LCP2: variants seen among roughly 807,000 people sequenced by gnomAD.
LCP2 encodes 76 kDa tyrosine phosphoprotein.
A neutral mutation model predicts 74.5 loss-of-function variants in LCP2; 29 were observed. That is an observed-to-expected ratio of 0.39 (90% CI 0.29 to 0.53). The LOEUF (loss-of-function observed/expected upper bound fraction) is 0.53, where lower values mean the gene tolerates loss of function less well. LCP2 is among the 20% of genes least tolerant of loss of function. The pLI, the probability that LCP2 is intolerant of heterozygous loss-of-function variation, is 0.72. For synonymous variants in LCP2, 228 were observed against 229.5 expected (o/e 0.99, Z 0.06); for missense variants, 604 against 634.6 (o/e 0.95, Z 0.52).
Position 170,253,135 on chromosome 5 carries a change from G to T in LCP2, c.1229C>A (p.Ser410Tyr). The change falls in exon 18 of 21, where the codon TCC becomes TAC. Residue 410 changes from serine (S) to tyrosine (Y), a missense_variant. Physicochemically the swap from Ser to Tyr is moderately radical, Grantham distance 144. Coordinates refer to ENST00000046794, the MANE Select transcript of LCP2 (RefSeq NM_005565.5). ...LPLPNKPRPP[S>Y]PAEEENSLNE... Reference sequence around the variant, plus strand: ...CTCTCTTACCTCTTCCTCCGCGGGGGATGGGGGCCGAGGTTTGTTTGGAAG... The same window carrying T: ...CTCTCTTACCTCTTCCTCCGCGGGGTATGGGGGCCGAGGTTTGTTTGGAAG... 1 of 1,609,934 alleles carries T rather than the reference G, an allele frequency of 6.2e-7. No homozygotes were observed. The highest frequency in any genetic ancestry group is 8.5e-7 in the Non-Finnish European group (1 of 1,177,538).
chr5:170,249,111 C>G (rs1317013918), intron 20 of LCP2, among the ~76,000 whole-genome samples: 1 of 152,106 alleles, frequency 6.6e-6, no homozygotes, highest in African/African-American at 2.4e-5. Flanking sequence ...CACCTGAGGT[C>G]AGGAGTTTGA....
chr5:170,259,710 A>G (rs1761619404), intron 14 of LCP2, among the ~76,000 whole-genome samples: 1 of 152,214 alleles, frequency 6.6e-6, no homozygotes, highest in Non-Finnish European at 1.5e-5. Context: ...GCCATCATCA[A>G]TCCTATCACA....
In LCP2 at chr5:170,256,596, C is replaced by G. The variant is rs1343375971; in HGVS notation, c.1101-21G>C. On this transcript the variant is annotated intron_variant, in intron 16 of 20. Transcript: ENST00000046794. This position sits in a 1 kb window ranked among gnomAD's most constrained non-coding sequence, Gnocchi z 4.5. ...TGTTACTGAGGAGACAGAAAAAGAA[C>G]AAAATTTATTTGGATTGGGGTGATG... 1.3e-6 allele frequency: 2 copies of G among 1,595,552 alleles called. No individual in the cohort carries two copies. Among genetic ancestry groups the G allele is most frequent in the Admixed American group, 3.3e-5 (2 of 59,946 alleles).
intron 2 of LCP2, among the ~76,000 whole-genome samples, chr5:170,288,452 G>C (rs1205647036): frequency 2.0e-5 from 3 of 152,208 alleles, no homozygotes; most frequent in Non-Finnish European, 4.4e-5. Context: ...GGAGGAGTCT[G>C]TGCCTCTTTT....
intron 20 of LCP2, 57 bp downstream of exon 20, chr5:170,250,673 C>A (rs563080876): frequency 2.2e-6 from 3 of 1,339,958 alleles, no homozygotes; most frequent in Non-Finnish European, 2.1e-6. Context: ...TCCATGAAGG[C>A]ATGCAGAGTG....
chr5:170,287,686 G>T, intron 3 of LCP2: 1 of 473,102 alleles, frequency 2.1e-6, no homozygotes, highest in East Asian at 3.7e-5. Context: ...TATTTTCACA[G>T]GCCCAAGCAC....
chr5:170,262,729 G>T lies in LCP2; in HGVS notation c.832C>A (p.His278Asn). 6.2e-7 allele frequency: 1 copy of T among 1,613,816 alleles called. No homozygotes were observed. Among genetic ancestry groups the T allele is most frequent in the Non-Finnish European group, 8.5e-7 (1 of 1,179,698 alleles). Residue 278 changes from histidine (H) to asparagine (N), a missense_variant, in exon 13 of 21, where the codon CAT becomes AAT. His to Asn is a moderately conservative substitution (Grantham distance 68, BLOSUM62 1). Coordinates refer to ENST00000046794, the MANE Select transcript of LCP2 (RefSeq NM_005565.5). ...SIPAGRSLGE[H>N]LPKIQKPPLP... ...GGAGGCTTTTGAATCTTGGGTAAAT[G>T]CTCCCCGAGTGACCTGTGGAGTTCA...
chr5:170,276,358 C>A (rs1261606424), intron 3 of LCP2, among the ~76,000 whole-genome samples: 1 of 152,194 alleles, frequency 6.6e-6, no homozygotes, highest in Non-Finnish European at 1.5e-5. Flanking sequence ...CTTATCACAA[C>A]CTCTAGTGGG....
At chr5:170,288,266 G>A (rs1762220031) in intron 2 of LCP2, among the ~76,000 whole-genome samples, 2 of 151,176 alleles carry the variant, frequency 1.3e-5, no homozygotes, top group South Asian at 4.2e-4. Context: ...TATGTGAAAT[G>A]CTCTGAGTTC....
intron 19 of LCP2, chr5:170,251,833 G>A: frequency 1.2e-5 from 4 of 328,644 alleles, no homozygotes; most frequent in South Asian, 6.9e-5. Context: ...AGTTCTCCGG[G>A]TGATCTAAAT....
chr5:170,263,094 G>A, intron 10 of LCP2, 102 bp from the exon 11 acceptor site: 1 of 1,342,480 alleles, frequency 7.4e-7, no homozygotes, highest in Non-Finnish European at 1.0e-6. Flanking sequence ...CCCTCTTGGG[G>A]GTTGATGGGG....
intron 10 of LCP2, among the ~76,000 whole-genome samples, chr5:170,265,890 T>C (rs943187083): frequency 3.9e-5 from 6 of 152,186 alleles, no homozygotes; most frequent in Non-Finnish European, 8.8e-5. Flanking sequence ...TCACAGCAAG[T>C]TAAAACCCAG....
At chr5:170,257,188 G>A (rs1424189343) in intron 16 of LCP2, among the ~76,000 whole-genome samples, 2 of 152,224 alleles carry the variant, frequency 1.3e-5, no homozygotes, top group African/African-American at 4.8e-5. Flanking sequence ...CAGCAACCTT[G>A]TGTGAGTGGG....
intron 3 of LCP2, among the ~76,000 whole-genome samples, chr5:170,286,659 C>T (rs954297730): frequency 5.9e-5 from 9 of 152,334 alleles, no homozygotes; most frequent in East Asian, 1.9e-4. Context: ...TTCAACAATA[C>T]GTGTCCCTGG....
intron 20 of LCP2, among the ~76,000 whole-genome samples, chr5:170,249,914 G>A (rs976139347): frequency 6.6e-6 from 1 of 152,220 alleles, no homozygotes; most frequent in Non-Finnish European, 1.5e-5. Context: ...GATAAATCTT[G>A]AAGGGCAAAT....
chr5:170,258,261 A>C, intron 15 of LCP2, 95 bp from the exon 16 acceptor site: 1 of 1,301,724 alleles, frequency 7.7e-7, no homozygotes, highest in Non-Finnish European at 1.1e-6. Context: ...AACAGCTAGT[A>C]TAAAGAGGAC....
chr5:170,297,544 T>A lies in LCP2; in HGVS notation c.68A>T (p.Tyr23Phe). 6.2e-7 allele frequency: 1 copy of A among 1,612,882 alleles called. No homozygotes were observed. Residue 23 changes from tyrosine (Y) to phenylalanine (F), a missense_variant, in exon 1 of 21, where the codon TAT becomes TTT. Tyr to Phe is a conservative substitution (Grantham distance 22, BLOSUM62 3). Transcript: ENST00000046794. ...AAGAGCAAGGCTTACCTTCTTGAAA[T>A]AGTCAGCAAGGCTGTCGGGGTCCCA... Reference protein sequence around the residue: ...LGWDPDSLADYFKKLNYKDCE... With the variant: ...LGWDPDSLADFFKKLNYKDCE...
At chr5:170,281,342 C>G (rs557153307) in intron 3 of LCP2, among the ~76,000 whole-genome samples, 18 of 152,068 alleles carry the variant, frequency 1.2e-4, no homozygotes, top group South Asian at 2.1e-4. Flanking sequence ...TGCAGTGCCA[C>G]GATCTTGGCT....
Position 170,250,671 on chromosome 5 carries a change from G to A in LCP2, c.1479+59C>T, listed in dbSNP as rs1469732008. On this transcript the variant is annotated intron_variant, in intron 20 of 20. Transcript: ENST00000046794. ...GGACTCTCAAAGATCGCTCCATGAA[G>A]GCATGCAGAGTGGCATAAATAAAGA... 9.1e-6 allele frequency: 12 copies of A among 1,312,050 alleles called. No homozygotes were observed. In the South Asian group the frequency reaches 1.1e-4, roughly 12 times the overall value. 81.3% of individuals were successfully genotyped at this position (1,312,050 alleles called of 1,614,324 possible).
Sources: gnomAD v4.1 joint callset for allele counts (sites outside exome capture counted in the v4.1 genomes callset) on GRCh38, gnomAD v4.1.1 for gene constraint, Gnocchi (gnomAD v3.1) non-coding constraint, MANE v1.5 for transcripts, NCBI Gene and HGNC (gene_info 2026-07-23, HGNC 2026-07-21) for gene names.